The following OFD1 variants were observed in gnomAD, a reference collection of about 807,000 sequenced individuals.
The protein encoded by OFD1 is OFD1 centriole and centriolar satellite protein.
A neutral mutation model predicts 81.4 loss-of-function variants in OFD1; 12 were observed. That is an observed-to-expected ratio of 0.15 (90% CI 0.09 to 0.24). The LOEUF (loss-of-function observed/expected upper bound fraction) is 0.24, where lower values mean the gene tolerates loss of function less well. Among genes scored for constraint, OFD1 ranks in the 10% least tolerant of loss-of-function variants. OFD1 has a pLI of 1.00. For missense variants in OFD1, 685 were observed against 733.9 expected (o/e 0.93, Z 0.77); for synonymous variants, 256 against 263.7 (o/e 0.97, Z 0.28).
chrX:13,736,384 T>C, intron 2 of OFD1, 94 bp from the exon 3 acceptor site: 1 of 1,093,081 alleles, frequency 9.1e-7, no homozygotes, highest in Non-Finnish European at 1.3e-6. Context: ...TTCCAATGAA[T>C]GTAGCTCATC....
intron 20 of OFD1, 119 bp from the exon 21 acceptor site, chrX:13,767,935 A>T: frequency 1.5e-6 from 1 of 664,538 alleles, no homozygotes; most frequent in Non-Finnish European, 2.3e-6. Flanking sequence ...TTTAAAAATT[A>T]GTCCTCTGGC....
At chrX:13,746,287 A>G (rs201798056) in intron 6 of OFD1, 32 bp from the exon 7 acceptor site, 121 of 1,194,085 alleles carry the variant, frequency 1.0e-4, no homozygotes, top group African/African-American at 8.4e-4. Flanking sequence ...CGATGTTTCT[A>G]TGTCCTAATT....
chrX:13,749,980 C>G (rs1223940284), intron 9 of OFD1, among the ~76,000 whole-genome samples: 5 of 112,417 alleles, frequency 4.4e-5, no homozygotes, highest in African/African-American at 1.6e-4. Flanking sequence ...TTGTTACTCA[C>G]TGTTTCTAAG....
chrX:13,757,906 C>T, intron 14 of OFD1, 116 bp downstream of exon 14: 2 of 853,925 alleles, frequency 2.3e-6, no homozygotes, highest in Non-Finnish European at 3.4e-6. Context: ...AACATTACTC[C>T]CCCAAATATG....
the OFD1 span, among the ~76,000 whole-genome samples, chrX:13,717,898 C>G: frequency 8.9e-6 from 1 of 111,994 alleles, no homozygotes. Context: ...TGAGGTCACA[C>G]TGGAGTAGGG....
At chrX:13,773,105 AGACTT>A, downstream of OFD1, 1 of 952,162 alleles carries the variant, frequency 1.1e-6, no homozygotes, top group Non-Finnish European at 1.5e-6. Flanking sequence ...TAGATTAGAC[AGACTT>A]GACTTTAAAG....
chrX:13,746,578 T>A, intron 7 of OFD1, 123 bp downstream of exon 7: 1 of 897,981 alleles, frequency 1.1e-6, no homozygotes, highest in Non-Finnish European at 1.6e-6. Context: ...TGTACTGTTG[T>A]GCAAATTTTT....
chrX:13,755,946 C>CTTTTTTTTTTTTTTTTTTTTTTTTTT (rs34300430), intron 12 of OFD1, among the ~76,000 whole-genome samples: 2 of 65,098 alleles, frequency 3.1e-5, no homozygotes, highest in Admixed American at 2.3e-4. Flanking sequence ...CTTTCTTTCC[C>CTTTTTTTTTTTTTTTTTTTTTTTTTT]TTTTTTTTTT....
chrX:13,762,266 C>A, intron 17 of OFD1, 78 bp from the exon 18 acceptor site: 1 of 643,836 alleles, frequency 1.6e-6, no homozygotes, highest in South Asian at 2.3e-5. Context: ...TTTCTTGAGT[C>A]ACAAAAGGCT....
rs759835018 is a variant in OFD1 at position 13,768,180 on chromosome X, A to G, written c.2884A>G (p.Met962Val). 4.1e-6 allele frequency: 5 copies of G among 1,211,219 alleles called. No homozygotes were observed. The highest frequency in any genetic ancestry group is 3.5e-5 in the African/African-American group (2 of 57,880). The stretch of plus-strand genomic sequence containing the variant: ...CAGTGAAAATCCTTTAGAGAAATAC[A>G]TGAAAATCATCCAGCAGGAGCAAGA... ...AHSENPLEKY[M>V]KIIQQEQDQE... Residue 962 changes from methionine to valine, a missense_variant, in exon 21 of 23, where the codon ATG becomes GTG. By Grantham distance (21) the Met-to-Val change is conservative. Coordinates refer to ENST00000340096, the MANE Select transcript of OFD1 (RefSeq NM_003611.3).
chrX:13,716,221 T>A, the OFD1 span: 1 of 730,267 alleles, frequency 1.4e-6, no homozygotes, highest in Non-Finnish European at 2.0e-6. Context: ...AAACTGGGTT[T>A]AAAATTAGCT....
At chrX:13,768,273 C>A in intron 21 of OFD1, 49 bp downstream of exon 21, 3 of 961,465 alleles carry the variant, frequency 3.1e-6, no homozygotes, top group Non-Finnish European at 4.5e-6. Context: ...ACATCCAGGG[C>A]TTCCGTGGCT....
upstream of OFD1, among the ~76,000 whole-genome samples, chrX:13,730,463 T>C (rs1317233921): frequency 8.9e-6 from 1 of 111,815 alleles, no homozygotes; most frequent in Non-Finnish European, 1.9e-5. Flanking sequence ...TTTTACACTG[T>C]TGGTGGGAGT....
chrX:13,756,916 C>G (rs950553179), intron 13 of OFD1, 149 bp downstream of exon 13: 7 of 521,205 alleles, frequency 1.3e-5, no homozygotes, highest in Non-Finnish European at 2.3e-5. Context: ...ACTCTGCAAA[C>G]CTGCCTATAG....
chrX:13,744,603 A>G (rs1278197030), intron 6 of OFD1, 84 bp downstream of exon 6: 7 of 633,875 alleles, frequency 1.1e-5, no homozygotes, highest in Non-Finnish European at 1.8e-5. Context: ...ATATTGTGTG[A>G]TTGCTCCTTG....
At chrX:13,716,501 A>T in the OFD1 span, 2 of 1,208,837 alleles carry the variant, frequency 1.7e-6, no homozygotes, top group Non-Finnish European at 2.2e-6. Flanking sequence ...CCCAAACTTT[A>T]GTTAGTTACC....
chrX:13,737,997 C>A (rs771526980), intron 3 of OFD1, among the ~76,000 whole-genome samples: 3 of 110,763 alleles, frequency 2.7e-5, no homozygotes, highest in Non-Finnish European at 5.7e-5. Context: ...TTACAGGTGC[C>A]CACCACTACA....
chrX:13,731,902 A>C (rs1344763435), upstream of OFD1, among the ~76,000 whole-genome samples: 3 of 112,231 alleles, frequency 2.7e-5, no homozygotes, highest in East Asian at 8.3e-4. Context: ...TAGGATTAAA[A>C]AAGATCTCCA....
the OFD1 span, chrX:13,721,082 GA>G: frequency 3.6e-5 from 4 of 110,734 alleles, no homozygotes; most frequent in African/African-American, 1.3e-4. Flanking sequence ...AAACTGGGGG[GA>G]AAAATATAAG....
Sources: gnomAD v4.1 joint callset for allele counts (sites outside exome capture counted in the v4.1 genomes callset) on GRCh38, gnomAD v4.1.1 for gene constraint, MANE v1.5 for transcripts, NCBI Gene and HGNC (gene_info 2026-07-23, HGNC 2026-07-21) for gene names.